TTC28: variants seen among roughly 807,000 people sequenced by gnomAD.
TTC28 encodes tetratricopeptide repeat protein 28.
TTC28 carries 61 observed loss-of-function variants against 198.0 expected under a neutral mutation model. The ratio of observed to expected loss-of-function variants is 0.31; its 90% CI spans 0.25 to 0.38. The LOEUF (loss-of-function observed/expected upper bound fraction) is 0.38. TTC28 is among the 10% of genes least tolerant of loss of function. TTC28 has a pLI of 1.00. For synonymous variants in TTC28, 1,171 were observed against 1,297.8 expected, an observed-to-expected ratio of 0.90 and a Z score of 2.10; for missense variants, 2,678 against 3,164.0, an observed-to-expected ratio of 0.85 and a Z score of 3.69.
At chr22:28,148,338 G>A (rs1943520429) in intron 6 of TTC28, among the ~76,000 whole-genome samples, 1 of 152,210 alleles carries the variant, frequency 6.6e-6, no homozygotes. Flanking sequence ...TCTAGGCCGG[G>A]TGCAGTGGCT....
chr22:28,186,075 T>A (rs1436102060), intron 5 of TTC28, among the ~76,000 whole-genome samples: 2 of 152,206 alleles, frequency 1.3e-5, no homozygotes, highest in African/African-American at 4.8e-5. Context: ...ATTTGCAATT[T>A]TTTTTAAAAA....
chr22:28,197,679 A>T (rs1479062981), intron 5 of TTC28, among the ~76,000 whole-genome samples: 1 of 152,136 alleles, frequency 6.6e-6, no homozygotes, highest in Non-Finnish European at 1.5e-5. Flanking sequence ...ATTTCCTGAA[A>T]AAAGTATCTT....
At chr22:27,987,976 G>C (rs1268707817) in intron 21 of TTC28, among the ~76,000 whole-genome samples, 1 of 152,192 alleles carries the variant, frequency 6.6e-6, no homozygotes, top group Non-Finnish European at 1.5e-5. Context: ...ACTTTGGGAG[G>C]CTGTGTGGGA....
intron 14 of TTC28, among the ~76,000 whole-genome samples, chr22:28,013,535 C>T (rs886561958): frequency 6.6e-6 from 1 of 152,212 alleles, no homozygotes; most frequent in African/African-American, 2.4e-5. Flanking sequence ...ATGGTGGAGT[C>T]AGTGATTCCC....
At chr22:28,062,063 T>C (rs2146740959) in intron 12 of TTC28, among the ~76,000 whole-genome samples, 1 of 152,260 alleles carries the variant, frequency 6.6e-6, no homozygotes, top group Middle Eastern at 3.4e-3. Context: ...TACTATCTTT[T>C]TTTTTTGAGA....
intron 5 of TTC28, among the ~76,000 whole-genome samples, chr22:28,216,647 G>C (rs1201372642): frequency 1.3e-5 from 2 of 152,150 alleles, no homozygotes; most frequent in East Asian, 3.9e-4. Context: ...CATTTACAAA[G>C]GTGCAGCAAT....
chr22:28,314,931 T>C (rs573161090), intron 2 of TTC28, among the ~76,000 whole-genome samples: 3 of 152,278 alleles, frequency 2.0e-5, no homozygotes, highest in African/African-American at 7.2e-5. Context: ...CTGGGGACTA[T>C]CTGCAGTCTT....
chr22:28,323,282 G>A (rs1401088716), intron 2 of TTC28, among the ~76,000 whole-genome samples: 2 of 152,094 alleles, frequency 1.3e-5, no homozygotes, highest in Admixed American at 6.6e-5. Context: ...AAGCACTAAG[G>A]GACCAAGCCT....
chr22:28,322,285 T>C (rs889752532), intron 2 of TTC28, among the ~76,000 whole-genome samples: 1 of 152,180 alleles, frequency 6.6e-6, no homozygotes, highest in African/African-American at 2.4e-5. Context: ...TTAATGTCTT[T>C]TCCAAATAAT....
chr22:28,517,622 C>T (rs1047308217), intron 2 of TTC28, among the ~76,000 whole-genome samples: 2 of 152,176 alleles, frequency 1.3e-5, no homozygotes, highest in Non-Finnish European at 2.9e-5. Context: ...AGGCTATTTT[C>T]GTGGTAAGAA....
chr22:28,505,232 G>T (rs1226875405), intron 2 of TTC28, among the ~76,000 whole-genome samples: 1 of 149,096 alleles, frequency 6.7e-6, no homozygotes, highest in Non-Finnish European at 1.5e-5. Flanking sequence ...ACTCCAGCCT[G>T]GGCAACAGAG....
intron 2 of TTC28, among the ~76,000 whole-genome samples, chr22:28,370,227 A>C (rs763543924): frequency 2.0e-4 from 30 of 152,184 alleles, no homozygotes; most frequent in Non-Finnish European, 4.0e-4. Flanking sequence ...TACAGCTTCT[A>C]TCACACAGTC....
chr22:28,050,885 A>G (rs1048356946), intron 12 of TTC28, among the ~76,000 whole-genome samples: 1 of 152,228 alleles, frequency 6.6e-6, no homozygotes, highest in African/African-American at 2.4e-5. Flanking sequence ...GAAAATGCAT[A>G]TTCTAATACA....
chr22:28,316,971 G>A (rs376187532), intron 2 of TTC28, among the ~76,000 whole-genome samples: 19 of 151,834 alleles, frequency 1.3e-4, no homozygotes, highest in South Asian at 1.3e-3. Context: ...AGAGGATCTC[G>A]CTATGTTATC....
At chr22:28,048,225 C>T (rs1424631380) in intron 12 of TTC28, among the ~76,000 whole-genome samples, 6 of 152,020 alleles carry the variant, frequency 3.9e-5, no homozygotes, top group Non-Finnish European at 8.8e-5. Flanking sequence ...ATCCTGGAGG[C>T]CCTGTAAAGT....
intron 12 of TTC28, among the ~76,000 whole-genome samples, chr22:28,083,946 C>T (rs562360888): frequency 3.7e-4 from 56 of 152,360 alleles, no homozygotes; most frequent in Non-Finnish European, 5.9e-4. Flanking sequence ...AACTGCAAGG[C>T]GGAAGCGAGG....
intron 2 of TTC28, among the ~76,000 whole-genome samples, chr22:28,603,520 T>C (rs1007570397): frequency 2.6e-5 from 4 of 152,176 alleles, no homozygotes; most frequent in Non-Finnish European, 5.9e-5. Context: ...CCCAAGTAGC[T>C]GGGACTACAG....
intron 2 of TTC28, among the ~76,000 whole-genome samples, chr22:28,594,283 A>ATTATATTAT (rs1033329950): frequency 2.0e-5 from 3 of 148,736 alleles, no homozygotes; most frequent in Admixed American, 6.7e-5. Flanking sequence ...GAAGTAATTA[A>ATTATATTAT]TTATATTATT....
At chr22:28,001,688 G>C in intron 14 of TTC28, 135 bp from the exon 15 acceptor site, 1 of 1,067,384 alleles carries the variant, frequency 9.4e-7, no homozygotes, top group Admixed American at 2.6e-5. Context: ...GGGGCGCCAT[G>C]GGGCATGGGC....
Sources: allele counts gnomAD v4.1 joint callset (sites outside exome capture counted in the v4.1 genomes callset), GRCh38; gene constraint gnomAD v4.1.1; transcripts MANE v1.5; gene names NCBI Gene and HGNC (gene_info 2026-07-23, HGNC 2026-07-21).